IFNAR2: variants seen among roughly 807,000 people sequenced by gnomAD.
IFNAR2 encodes interferon alpha and beta receptor subunit 2, also known as interferon alpha/beta receptor 2.
IFNAR2 carries 30 observed loss-of-function variants against 49.4 expected under a neutral mutation model. The observed-to-expected ratio is 0.61, with a 90% CI of 0.45 to 0.82. IFNAR2 has a LOEUF of 0.82. IFNAR2 is among the 40% of genes least tolerant of loss of function. The pLI is 0.00. For synonymous variants in IFNAR2, 224 were observed against 234.5 expected (o/e 0.96, Z 0.41); for missense variants, 600 against 622.7 (o/e 0.96, Z 0.39).
chr21:33,247,808 T>C (rs2834160), intron 5 of IFNAR2, among the ~76,000 whole-genome samples: 23,210 of 152,226 alleles, frequency 0.15, 1,954 homozygotes, highest in Non-Finnish European at 0.18. Context: ...GGTCTCAGCT[T>C]CCTGTTGTAG....
chr21:33,257,824 T>G (rs1601815199), intron 7 of IFNAR2, among the ~76,000 whole-genome samples: 1 of 144,488 alleles, frequency 6.9e-6, no homozygotes, highest in Non-Finnish European at 1.5e-5. Context: ...AAAGGGGACA[T>G]GGGCAGGCCA....
chr21:33,252,049 C>T, intron 6 of IFNAR2: 1 of 362,370 alleles, frequency 2.8e-6, no homozygotes, highest in Admixed American at 3.2e-5. Context: ...TGCCACTGCA[C>T]TCCAGCCTGG....
At position 33,231,502 on chromosome 21, in the gene IFNAR2, A is replaced by G. The variant is rs145118511; in HGVS notation, c.-84+1286A>G. 1.1e-4 allele frequency among the ~76,000 whole-genome samples: 17 copies of G among 152,310 alleles called. No homozygotes were observed. In the East Asian group the frequency reaches 3.1e-3, roughly 28 times the overall value. On this transcript the variant is annotated intron_variant, in intron 1 of 8. Coordinates refer to ENST00000342136, the MANE Select transcript of IFNAR2 (RefSeq NM_001289125.3). ...TGATTTTGGTTCACATAATTTGACA[A>G]TGGTGATTTGTCTAAAAGTCATTTC...
chr21:33,247,602 T>C (rs771217986), intron 5 of IFNAR2, among the ~76,000 whole-genome samples: 2 of 152,150 alleles, frequency 1.3e-5, no homozygotes, highest in African/African-American at 2.4e-5. Flanking sequence ...CCCAATGTTC[T>C]TTTGTGTGTG....
intron 5 of IFNAR2, among the ~76,000 whole-genome samples, chr21:33,247,796 C>G (rs1298008909): frequency 6.6e-6 from 1 of 152,212 alleles, no homozygotes; most frequent in African/African-American, 2.4e-5. Context: ...AGAGAACCAT[C>G]TGGTCTCAGC....
At chr21:33,252,458 G>C in intron 6 of IFNAR2, 4 of 984,974 alleles carry the variant, frequency 4.1e-6, no homozygotes, top group Non-Finnish European at 4.8e-6. Context: ...TAAAATATGT[G>C]TGTGTGCAGG....
At chr21:33,238,774 TA>T (rs35083825) in intron 1 of IFNAR2, among the ~76,000 whole-genome samples, 82,469 of 141,564 alleles carry the variant, frequency 0.58, 23,608 homozygotes, top group South Asian at 0.7. Context: ...CCCTTCTACT[TA>T]AAAAAAAAAA....
chr21:33,247,273 A>C (rs1160791919), intron 5 of IFNAR2, among the ~76,000 whole-genome samples: 2 of 63,466 alleles, frequency 3.2e-5, no homozygotes, highest in African/African-American at 1.6e-4. Context: ...TTTTTTTGAG[A>C]TGGAGTTTCA....
chr21:33,234,305 T>G (rs553282104), intron 1 of IFNAR2, among the ~76,000 whole-genome samples: 4 of 152,080 alleles, frequency 2.6e-5, no homozygotes, highest in African/African-American at 9.6e-5. Context: ...AAAAGAAAGA[T>G]GTTTGAAAAA....
chr21:33,239,354 G>A (rs1264895694), intron 1 of IFNAR2, among the ~76,000 whole-genome samples: 1 of 152,202 alleles, frequency 6.6e-6, no homozygotes, highest in Admixed American at 6.5e-5. Context: ...TGTGTCCAGT[G>A]GTCTCATGTC....
chr21:33,235,360 G>T (rs571877555), intron 1 of IFNAR2, among the ~76,000 whole-genome samples: 1 of 152,260 alleles, frequency 6.6e-6, no homozygotes, highest in Admixed American at 6.5e-5. Flanking sequence ...AAGAGCAGGG[G>T]GTGACCTGTC....
chr21:33,251,454 A>G, intron 6 of IFNAR2: 1 of 633,892 alleles, frequency 1.6e-6, no homozygotes, highest in Non-Finnish European at 2.0e-6. Flanking sequence ...GAGGAGAAAA[A>G]TTGGAGACAG....
intron 1 of IFNAR2, among the ~76,000 whole-genome samples, chr21:33,238,672 G>C (rs982344124): frequency 7.4e-6 from 1 of 134,662 alleles, no homozygotes; most frequent in East Asian, 2.8e-4. Context: ...TGTTTTTTTG[G>C]GGGGGTTGTT....
chr21:33,262,672 A>G, intron 8 of IFNAR2, 121 bp from the exon 9 acceptor site: 1 of 1,399,864 alleles, frequency 7.1e-7, no homozygotes, highest in Non-Finnish European at 1.0e-6. Flanking sequence ...AAGCTTCCCC[A>G]GTAGCTGGGA....
chr21:33,252,928 C>A, intron 7 of IFNAR2, 98 bp downstream of exon 7: 1 of 984,938 alleles, frequency 1.0e-6, no homozygotes. Context: ...ATTCATGGAG[C>A]ACTAAAGGTC....
chr21:33,231,730 TGTTTG>T (rs578140787), intron 1 of IFNAR2: 265 of 979,070 alleles, frequency 2.7e-4, no homozygotes, highest in African/African-American at 6.2e-4. Flanking sequence ...TGTTTTGTTT[TGTTTG>T]GTTTGGTTTG....
intron 8 of IFNAR2, among the ~76,000 whole-genome samples, chr21:33,261,157 C>T (rs1190228076): frequency 6.7e-6 from 1 of 150,196 alleles, no homozygotes; most frequent in Non-Finnish European, 1.5e-5. Context: ...GTGCCTCAGC[C>T]TCTCAAGTAG....
chr21:33,264,334 G>C lies in IFNAR2; in HGVS notation c.*834G>C, dbSNP rs1229356327. ...GGGAAGAGCCATCGAAGTTTCAGTC[G>C]GTGAGCCTTGGGCACCTCACCCATG... On this transcript the variant is annotated 3_prime_UTR_variant, in exon 9 of 9. Coordinates refer to ENST00000342136, the MANE Select transcript of IFNAR2 (RefSeq NM_001289125.3). The C allele has an allele frequency of 6.6e-6, 1 of 152,132 alleles. No individual in the cohort carries two copies. The highest frequency in any genetic ancestry group is 1.5e-5 in the Non-Finnish European group (1 of 68,032). 9.4% of individuals were successfully genotyped at this position (152,132 alleles called of 1,614,324 possible).
intron 7 of IFNAR2, among the ~76,000 whole-genome samples, chr21:33,254,305 C>T (rs1159981687): frequency 6.6e-6 from 1 of 152,176 alleles, no homozygotes; most frequent in African/African-American, 2.4e-5. Flanking sequence ...AATATTAAAA[C>T]AGAAACCTTA....
Sources: gnomAD v4.1 joint callset for allele counts (sites outside exome capture counted in the v4.1 genomes callset) on GRCh38, gnomAD v4.1.1 for gene constraint, MANE v1.5 for transcripts, NCBI Gene and HGNC (gene_info 2026-07-23, HGNC 2026-07-21) for gene names.